Variants in OPHN1 observed in about 807,000 individuals in gnomAD.
OPHN1 encodes oligophrenin 1.
In OPHN1, 11 loss-of-function variants were observed where a neutral mutation model predicts 60.7. The ratio of observed to expected loss-of-function variants is 0.18; its 90% confidence interval spans 0.11 to 0.30. The LOEUF (loss-of-function observed/expected upper bound fraction) is 0.30, where lower values mean the gene tolerates loss of function less well. Ranked by LOEUF, OPHN1 falls within the 10% of genes least tolerant of loss-of-function variation. The pLI, the probability that OPHN1 is intolerant of heterozygous loss-of-function variation, is 1.00. For missense variants in OPHN1, 449 were observed against 611.0 expected (o/e 0.73, Z 2.80); for synonymous variants, 226 against 222.6 (o/e 1.02, Z -0.14).
At chrX:68,125,954 TATAC>T (rs1555941245) in intron 15 of OPHN1, among the ~76,000 whole-genome samples, 2 of 55,824 alleles carry the variant, frequency 3.6e-5, no homozygotes, top group Admixed American at 2.5e-4. Context: ...TATATATATA[TATAC>T]ATACACACAC....
intron 15 of OPHN1, among the ~76,000 whole-genome samples, chrX:68,121,716 T>C (rs1351909828): frequency 9.3e-6 from 1 of 107,793 alleles, no homozygotes; most frequent in Non-Finnish European, 1.9e-5. Flanking sequence ...GCTATGGGAG[T>C]CCTTGCACCA....
intron 15 of OPHN1, among the ~76,000 whole-genome samples, chrX:68,139,562 A>C (rs2077234052): frequency 8.9e-6 from 1 of 112,134 alleles, no homozygotes; most frequent in South Asian, 3.7e-4. Flanking sequence ...ATTTTTAAAA[A>C]ATACTGGAGC....
At chrX:68,207,936 C>T (rs1295263062) in intron 9 of OPHN1, among the ~76,000 whole-genome samples, 1 of 111,334 alleles carries the variant, frequency 9.0e-6, no homozygotes, top group Non-Finnish European at 1.9e-5. Context: ...CTATCCACAA[C>T]CCTGCCTTTA....
intron 21 of OPHN1, among the ~76,000 whole-genome samples, chrX:68,062,783 A>G (rs1445207644): frequency 8.9e-6 from 1 of 112,199 alleles, no homozygotes; most frequent in Non-Finnish European, 1.9e-5. Context: ...TGATACTCAA[A>G]TCCTTATTTT....
intron 5 of OPHN1, among the ~76,000 whole-genome samples, chrX:68,245,079 A>G (rs72627690): frequency 0.21 from 23,112 of 110,772 alleles, 2,216 homozygotes; most frequent in African/African-American, 0.37. Context: ...AATATTCCCA[A>G]TGTAGAAGTA....
At chrX:68,395,438 TTCTC>T (rs917799748) in intron 2 of OPHN1, among the ~76,000 whole-genome samples, 5 of 106,262 alleles carry the variant, frequency 4.7e-5, no homozygotes, top group East Asian at 3.0e-4. Context: ...CCAGCTAATT[TTCTC>T]TCTCTCTTTT....
chrX:68,432,743 C>T, intron 2 of OPHN1, 124 bp downstream of exon 2: 2 of 757,410 alleles, frequency 2.6e-6, no homozygotes, highest in East Asian at 3.2e-5. Flanking sequence ...TGTGGGAAAC[C>T]CATTTGCCTC....
rs752823038 is a variant in OPHN1 at position 68,419,781 on chromosome X, T to A, written c.154+13086A>T. Among the ~76,000 whole-genome samples the A allele has an allele frequency of 4.5e-5, 5 of 111,387 alleles. No individual in the cohort carries two copies. In the South Asian group the frequency reaches 1.9e-3, roughly 42 times the overall value. Reference sequence around the variant, plus strand: ...GTCTCGAACTACTGAGCTCCAGCAATCTGCCCCATCTGGGCCTCCCAAAGT... The same window carrying A: ...GTCTCGAACTACTGAGCTCCAGCAAACTGCCCCATCTGGGCCTCCCAAAGT... On this transcript the variant is annotated intron_variant, in intron 2 of 24. Transcript: ENST00000355520.
intron 15 of OPHN1, among the ~76,000 whole-genome samples, chrX:68,148,105 TGGGAAA>T (rs773242151): frequency 9.9e-5 from 11 of 110,555 alleles, no homozygotes; most frequent in Non-Finnish European, 1.9e-5. Context: ...GACTGGCTTA[TGGGAAA>T]GGAGAAAGCA....
At position 68,074,261 on chromosome X, in the gene OPHN1, C is replaced by A. The variant is rs1405654243; in HGVS notation, c.1687-962G>T. 1.8e-4 allele frequency among the ~76,000 whole-genome samples: 20 copies of A among 111,919 alleles called. No individual in the cohort carries two copies. The Admixed American group carries it at 1.8e-3, about 10-fold the overall frequency. ...CATGGAAATAACATGATTGAGAACA[C>A]AAGGCAAGCTGTGTAAAAGGTGGAC... On this transcript the variant is annotated intron_variant, in intron 19 of 24. Coordinates refer to ENST00000355520, the MANE Select transcript of OPHN1 (RefSeq NM_002547.3).
chrX:68,353,573 T>TTAAA (rs748979828), intron 2 of OPHN1, among the ~76,000 whole-genome samples: 30 of 110,394 alleles, frequency 2.7e-4, no homozygotes, highest in East Asian at 5.7e-4. Context: ...AAACTCCACC[T>TTAAA]TAAATAAATA....
intron 5 of OPHN1, among the ~76,000 whole-genome samples, chrX:68,235,522 T>C (rs1171698390): frequency 1.8e-5 from 2 of 110,567 alleles, no homozygotes; most frequent in Non-Finnish European, 3.8e-5. Context: ...AGGGCAGAGC[T>C]GAGTGACCTG....
chrX:68,116,075 T>C (rs1183864631), intron 16 of OPHN1, among the ~76,000 whole-genome samples: 1 of 111,947 alleles, frequency 8.9e-6, no homozygotes, highest in Non-Finnish European at 1.9e-5. Context: ...TGGAAAGGAA[T>C]GTTCAGGTTA....
chrX:68,071,885 G>A, intron 20 of OPHN1: 1 of 296,602 alleles, frequency 3.4e-6, no homozygotes, highest in Non-Finnish European at 6.0e-6. Flanking sequence ...GTTACTGGCT[G>A]CCGGGGAGAA....
At chrX:68,331,491 G>A (rs2078294746) in intron 2 of OPHN1, among the ~76,000 whole-genome samples, 1 of 109,311 alleles carries the variant, frequency 9.1e-6, no homozygotes, top group South Asian at 3.9e-4. Context: ...CAGCACTTTG[G>A]GAGGCCGAGG....
chrX:68,236,154 C>T (rs746432770), intron 5 of OPHN1, among the ~76,000 whole-genome samples: 31 of 111,107 alleles, frequency 2.8e-4, no homozygotes, highest in Non-Finnish European at 5.7e-4. Context: ...ATCAAGACGT[C>T]TTAGGAATAC....
intron 5 of OPHN1, among the ~76,000 whole-genome samples, chrX:68,267,590 T>C (rs777643178): frequency 2.6e-4 from 29 of 112,124 alleles, no homozygotes; most frequent in Non-Finnish European, 4.5e-4. Context: ...AGATCTAAAA[T>C]TGATACCTTA....
chrX:68,210,939 G>C (rs949642105), intron 8 of OPHN1, among the ~76,000 whole-genome samples: 15 of 111,218 alleles, frequency 1.3e-4, no homozygotes, highest in African/African-American at 4.9e-4. Flanking sequence ...TGAGAAAGGT[G>C]ATCTGTGCTG....
chrX:68,133,300 C>T, intron 15 of OPHN1: 1 of 616,423 alleles, frequency 1.6e-6, no homozygotes, highest in Non-Finnish European at 2.8e-6. Context: ...GTGTCTTAGA[C>T]TATGAAGACA....
Sources: gnomAD v4.1 joint callset for allele counts (sites outside exome capture counted in the v4.1 genomes callset) on GRCh38, gnomAD v4.1.1 for gene constraint, MANE v1.5 for transcripts, NCBI Gene and HGNC (gene_info 2026-07-23, HGNC 2026-07-21) for gene names.